The following LIX1 variants were observed in gnomAD, a reference collection of about 807,000 sequenced individuals.
LIX1 encodes the protein limb and CNS expressed 1.
In LIX1, 24 loss-of-function variants were observed where a neutral mutation model predicts 33.4. The ratio of observed to expected loss-of-function variants is 0.72; its 90% confidence interval spans 0.52 to 1.01. LIX1 has a LOEUF of 1.01. Among genes scored for constraint, LIX1 ranks in the 50% least tolerant of loss-of-function variants. The probability of loss-of-function intolerance (pLI) is 0.00; values close to 1 mark genes in which losing one functional copy is unlikely to be tolerated. For missense variants in LIX1, 311 were observed against 339.2 expected (o/e 0.92, Z 0.65); for synonymous variants, 124 against 124.0 (o/e 1.00, Z 0.00).
At chr5:97,116,555 A>ACC (rs1211568777) in intron 2 of LIX1, among the ~76,000 whole-genome samples, 2 of 152,116 alleles carry the variant, frequency 1.3e-5, no homozygotes, top group African/African-American at 4.8e-5. Context: ...AATATAAACC[A>ACC]CCTGGCCTTC....
At chr5:97,118,181 A>G (rs1239708494) in intron 2 of LIX1, among the ~76,000 whole-genome samples, 1 of 152,190 alleles carries the variant, frequency 6.6e-6, no homozygotes, top group East Asian at 1.9e-4. Context: ...TTTTCATTCA[A>G]TCATAATTCA....
chr5:97,120,902 A>G (rs1297724142), intron 2 of LIX1, among the ~76,000 whole-genome samples: 1 of 152,180 alleles, frequency 6.6e-6, no homozygotes, highest in Non-Finnish European at 1.5e-5. Context: ...AGTAGTCCAT[A>G]TCATCTAAGT....
intron 1 of LIX1, among the ~76,000 whole-genome samples, chr5:97,127,043 CT>C (rs148241649): frequency 2.5e-3 from 384 of 152,302 alleles, no homozygotes; most frequent in African/African-American, 8.9e-3. Flanking sequence ...CCTCCCACCC[CT>C]GAGGAAACAA....
intron 2 of LIX1, among the ~76,000 whole-genome samples, chr5:97,109,950 A>G (rs1265838914): frequency 1.3e-5 from 2 of 152,236 alleles, no homozygotes; most frequent in Non-Finnish European, 2.9e-5. Context: ...GTAGTATTCC[A>G]TGGTGTACCC....
At chr5:97,096,674 G>C (rs1746390259) in intron 5 of LIX1, 136 bp downstream of exon 5, 1 of 644,610 alleles carries the variant, frequency 1.6e-6, no homozygotes, top group Non-Finnish European at 2.7e-6. Flanking sequence ...ATTTCTTTGT[G>C]TGTCCTCTGC....
chr5:97,122,201 A>G (rs1434840788), intron 2 of LIX1, among the ~76,000 whole-genome samples: 1 of 152,218 alleles, frequency 6.6e-6, no homozygotes, highest in Non-Finnish European at 1.5e-5. Flanking sequence ...TGGATGGGTC[A>G]GAAGTTTTGA....
chr5:97,107,227 A>T, intron 3 of LIX1, 133 bp downstream of exon 3: 1 of 857,552 alleles, frequency 1.2e-6, no homozygotes, highest in South Asian at 2.0e-5. Context: ...CTGAAAATTA[A>T]CAATTCAGTG....
At chr5:97,139,850 A>T (rs566143430) in intron 1 of LIX1, among the ~76,000 whole-genome samples, 1 of 152,394 alleles carries the variant, frequency 6.6e-6, no homozygotes, top group South Asian at 2.1e-4. Flanking sequence ...AAAAGAAACA[A>T]ATCACAACTA....
At chr5:97,122,055 G>C (rs1747797960) in intron 2 of LIX1, among the ~76,000 whole-genome samples, 1 of 152,120 alleles carries the variant, frequency 6.6e-6, no homozygotes, top group African/African-American at 2.4e-5. Flanking sequence ...GGTGTCCACG[G>C]TTACATCAAG....
At chr5:97,097,899 A>G (rs1746475499) in intron 4 of LIX1, among the ~76,000 whole-genome samples, 1 of 152,212 alleles carries the variant, frequency 6.6e-6, no homozygotes. Flanking sequence ...TAGCCGGCAT[A>G]ATAAAGAAGT....
At chr5:97,115,477 A>G (rs966131454) in intron 2 of LIX1, among the ~76,000 whole-genome samples, 4 of 152,200 alleles carry the variant, frequency 2.6e-5, no homozygotes, top group Admixed American at 6.5e-5. Flanking sequence ...TAGGCAGGAT[A>G]CATGTGTTGA....
chr5:97,108,690 G>T (rs1424535670), intron 2 of LIX1, among the ~76,000 whole-genome samples: 1 of 152,066 alleles, frequency 6.6e-6, no homozygotes, highest in Non-Finnish European at 1.5e-5. Context: ...CCAGGCCTGG[G>T]TCCTGGTCAG....
chr5:97,096,676 G>A, intron 5 of LIX1, 134 bp downstream of exon 5: 1 of 650,962 alleles, frequency 1.5e-6, no homozygotes, highest in Non-Finnish European at 2.7e-6. Context: ...TTCTTTGTGT[G>A]TCCTCTGCTC....
rs1288073701 is a variant in LIX1 at position 97,124,504 on chromosome 5, C to T, written c.208G>A (p.Val70Met). The stretch of plus-strand genomic sequence containing the variant: ...AAACAGCTTCCCCCTGGGAGGGTCA[C>T]GTAACTCACAAAGGGAGGCCCAGGA... Reference protein sequence around the residue: ...PAPGPPFVSYVTLPGGSCFGN... With the variant: ...PAPGPPFVSYMTLPGGSCFGN... The change falls in exon 2 of 6, where the codon GTG becomes ATG. Residue 70 changes from valine (V) to methionine (M), a missense_variant. Physicochemically the swap from Val to Met is conservative, Grantham distance 21. Transcript: ENST00000274382. 7 of 1,606,900 alleles carry T rather than the reference C, an allele frequency of 4.4e-6. No individual in the cohort carries two copies. The highest frequency in any genetic ancestry group is 2.7e-5 in the African/African-American group (2 of 74,694).
chr5:97,118,217 G>A (rs1444399958), intron 2 of LIX1, among the ~76,000 whole-genome samples: 1 of 152,102 alleles, frequency 6.6e-6, no homozygotes, highest in Non-Finnish European at 1.5e-5. Context: ...ACATGCTCTA[G>A]TACTATATTC....
intron 4 of LIX1, among the ~76,000 whole-genome samples, chr5:97,101,403 TG>T (rs1021233575): frequency 5.3e-5 from 8 of 152,196 alleles, no homozygotes; most frequent in African/African-American, 1.9e-4. Flanking sequence ...GCCCCTGCTT[TG>T]TTTAGTGCTC....
intron 1 of LIX1, among the ~76,000 whole-genome samples, chr5:97,125,420 G>A (rs117914998): frequency 1.3e-5 from 2 of 152,304 alleles, no homozygotes; most frequent in East Asian, 1.9e-4. Flanking sequence ...GGTCATGTAG[G>A]CAAAGCCCTG....
At chr5:97,124,700 T>C (rs2112788887) in intron 1 of LIX1, 71 bp from the exon 2 acceptor site, 2 of 1,356,710 alleles carry the variant, frequency 1.5e-6, no homozygotes, top group Non-Finnish European at 2.0e-6. Flanking sequence ...AAATTTTATT[T>C]GCAAGCTGGA....
rs371309305 is a variant in LIX1, at chr5:97,107,472, C to T, written c.275G>A (p.Arg92Gln). ...QCCLSRAEARRDAAKVALINS... is the reference protein window; with the variant it reads ...QCCLSRAEARQDAAKVALINS... ...GATCAGGGCCACTTTAGCTGCATCCCGCCTGGCCTCGGCTCTACTTAAGCA... is the reference window on the plus strand; with the variant it reads ...GATCAGGGCCACTTTAGCTGCATCCTGCCTGGCCTCGGCTCTACTTAAGCA... Residue 92 changes from arginine to glutamine, a missense_variant, in exon 3 of 6, where the codon CGG (arginine) becomes CAG (glutamine). Transcript: ENST00000274382. The T allele has an allele frequency of 3.0e-5, 49 of 1,613,758 alleles. No individual in the cohort carries two copies. Among genetic ancestry groups the T allele is most frequent in the African/African-American group, 9.3e-5 (7 of 74,904 alleles).
Sources: gnomAD v4.1 joint callset for allele counts (sites outside exome capture counted in the v4.1 genomes callset) on GRCh38, gnomAD v4.1.1 for gene constraint, MANE v1.5 for transcripts, NCBI Gene and HGNC (gene_info 2026-07-23, HGNC 2026-07-21) for gene names.